Variants in HACL1 observed in about 807,000 individuals in gnomAD.
HACL1 encodes the protein 1600020H07Rik.
A neutral mutation model predicts 74.2 loss-of-function variants in HACL1; 64 were observed. The ratio of observed to expected loss-of-function variants is 0.86; its 90% CI spans 0.70 to 1.06. The LOEUF (loss-of-function observed/expected upper bound fraction) is 1.06, where lower values mean the gene tolerates loss of function less well. Ranked by LOEUF, HACL1 falls within the 50% of genes least tolerant of loss-of-function variation. HACL1 has a pLI of 0.00. For synonymous variants in HACL1, 230 were observed against 238.8 expected, an observed-to-expected ratio of 0.96 and a Z score of 0.34; for missense variants, 728 against 719.7, an observed-to-expected ratio of 1.01 and a Z score of -0.13.
intron 15 of HACL1, among the ~76,000 whole-genome samples, chr3:15,564,079 T>C (rs1233216938): frequency 6.6e-6 from 1 of 152,214 alleles, no homozygotes; most frequent in African/African-American, 2.4e-5. Context: ...CAAGGCTGGC[T>C]CACAAATTCA....
chr3:15,572,442 A>G (rs1045674957), intron 11 of HACL1, among the ~76,000 whole-genome samples: 1 of 152,166 alleles, frequency 6.6e-6, no homozygotes, highest in Non-Finnish European at 1.5e-5. Flanking sequence ...CCACACCTCA[A>G]GCAAGGGCTC....
intron 2 of HACL1, among the ~76,000 whole-genome samples, chr3:15,597,186 T>C (rs563137335): frequency 3.3e-5 from 5 of 152,068 alleles, no homozygotes; most frequent in African/African-American, 1.2e-4. Context: ...AGTTTATTCA[T>C]TTTGTTAATC....
chr3:15,566,815 C>CTT (rs1156234795), intron 14 of HACL1, among the ~76,000 whole-genome samples: 114 of 92,458 alleles, frequency 1.2e-3, no homozygotes, highest in East Asian at 1.8e-3. Flanking sequence ...GGTTAAGTGA[C>CTT]TTTTTTTTTT....
At chr3:15,563,275 G>A in intron 16 of HACL1, 83 bp downstream of exon 16, 1 of 860,418 alleles carries the variant, frequency 1.2e-6, no homozygotes, top group South Asian at 1.6e-5. Flanking sequence ...ATGATAGAGG[G>A]TGTTCTGTTT....
intron 4 of HACL1, among the ~76,000 whole-genome samples, chr3:15,589,895 C>T (rs141475092): frequency 0.03 from 4,585 of 151,968 alleles, 234 homozygotes; most frequent in African/African-American, 0.1. Context: ...ATTAGCCAGG[C>T]GTGCTGGTGG....
chr3:15,592,524 A>G lies in HACL1; in HGVS notation c.228-844T>C, dbSNP rs2063955784. Among the ~76,000 whole-genome samples, 12 of 145,868 alleles carry G rather than the reference A, an allele frequency of 8.2e-5. No individual in the cohort carries two copies. In the South Asian group the frequency reaches 2.3e-3, roughly 29 times the overall value. Reference sequence around the variant, plus strand: ...CACTTGTATATACACTTGTATACATATACACATGTATACACATGTACGCAC... The same window carrying G: ...CACTTGTATATACACTTGTATACATGTACACATGTATACACATGTACGCAC... On this transcript the variant is annotated intron_variant, in intron 3 of 16. Coordinates refer to ENST00000321169, the MANE Select transcript of HACL1 (RefSeq NM_012260.4).
intron 4 of HACL1, among the ~76,000 whole-genome samples, chr3:15,591,029 C>T (rs575821273): frequency 6.6e-6 from 1 of 152,268 alleles, no homozygotes; most frequent in East Asian, 1.9e-4. Context: ...TGTGGTGTGC[C>T]AAGATTGCAC....
intron 9 of HACL1, among the ~76,000 whole-genome samples, chr3:15,576,105 G>A (rs2063621432): frequency 1.6e-5 from 1 of 62,454 alleles, no homozygotes; most frequent in Non-Finnish European, 2.8e-5. Flanking sequence ...GCACTGAGCC[G>A]AGATCACACC....
intron 4 of HACL1, 115 bp downstream of exon 4, chr3:15,591,485 T>A: frequency 1.8e-6 from 1 of 557,932 alleles, no homozygotes; most frequent in South Asian, 2.3e-5. Flanking sequence ...TTCTAAGAAT[T>A]GAAGGGGTTT....
intron 12 of HACL1, among the ~76,000 whole-genome samples, chr3:15,571,098 C>A (rs1381219485): frequency 1.3e-5 from 2 of 152,108 alleles, no homozygotes; most frequent in African/African-American, 4.8e-5. Flanking sequence ...CCAACCTCAG[C>A]CTCCTGAGGA....
intron 4 of HACL1, 135 bp from the exon 5 acceptor site, chr3:15,589,747 G>C: frequency 3.0e-6 from 2 of 667,066 alleles, no homozygotes; most frequent in East Asian, 5.6e-5. Flanking sequence ...AGAAACTGTA[G>C]ATTAAGGCTG....
At chr3:15,562,300 T>C (rs1390638837) in intron 16 of HACL1, among the ~76,000 whole-genome samples, 1 of 152,218 alleles carries the variant, frequency 6.6e-6, no homozygotes, top group Non-Finnish European at 1.5e-5. Context: ...TAATGCCCCC[T>C]GCCCTTCAGC....
chr3:15,575,861 C>T (rs1215166265), intron 9 of HACL1, among the ~76,000 whole-genome samples: 2 of 151,784 alleles, frequency 1.3e-5, no homozygotes, highest in African/African-American at 4.8e-5. Flanking sequence ...CTTTTGCTTA[C>T]ATAAATGTTT....
intron 2 of HACL1, chr3:15,600,860 C>A (rs1360388562): frequency 8.4e-6 from 5 of 594,550 alleles, no homozygotes; most frequent in Non-Finnish European, 1.5e-5. Context: ...TGGGTTCAAA[C>A]CCTGGCTCTG....
chr3:15,574,536 G>A (rs1484002902), intron 10 of HACL1, among the ~76,000 whole-genome samples: 3 of 152,168 alleles, frequency 2.0e-5, no homozygotes, highest in South Asian at 2.1e-4. Flanking sequence ...AATACATTCC[G>A]GATGCTGTTT....
chr3:15,575,586 G>A (rs548567551), intron 9 of HACL1, among the ~76,000 whole-genome samples: 21 of 151,702 alleles, frequency 1.4e-4, no homozygotes, highest in East Asian at 1.9e-4. Flanking sequence ...TCTTTTGCCC[G>A]GGCTGGAATG....
intron 2 of HACL1, among the ~76,000 whole-genome samples, chr3:15,596,879 C>T (rs1296574882): frequency 6.6e-6 from 1 of 152,006 alleles, no homozygotes; most frequent in Non-Finnish European, 1.5e-5. Flanking sequence ...TTATTTCAGT[C>T]ATTTTGAATT....
intron 5 of HACL1, among the ~76,000 whole-genome samples, chr3:15,587,190 A>G (rs2063810783): frequency 6.7e-6 from 1 of 148,766 alleles, no homozygotes; most frequent in Non-Finnish European, 1.5e-5. Flanking sequence ...TGATAGTCCC[A>G]CAGGCATGAC....
Position 15,571,693 on chromosome 3 carries a change from A to AT in HACL1, c.1069dup (p.Met357AsnfsTer5), listed in dbSNP as rs766102948. ...CTTGGATGCAGCTTCATTGCTCTTC[A>AT]TTTTTTCTCTCAGAGTTTTCCACCA... On this transcript the variant is annotated frameshift_variant, in exon 12 of 17. Coordinates refer to ENST00000321169, the MANE Select transcript of HACL1 (RefSeq NM_012260.4). LOFTEE classifies it high-confidence loss of function. The AT allele has an allele frequency of 2.6e-6, 4 of 1,511,192 alleles. No homozygotes were observed. The East Asian group carries it at 6.8e-5, about 26-fold the overall frequency. The allele number at this position is 1,511,192 out of a possible 1,614,324, so 93.6% of individuals were successfully genotyped here.
Sources: gnomAD v4.1 joint callset for allele counts (sites outside exome capture counted in the v4.1 genomes callset) on GRCh38, gnomAD v4.1.1 for gene constraint, MANE v1.5 for transcripts, NCBI Gene and HGNC (gene_info 2026-07-23, HGNC 2026-07-21) for gene names.